Variants in TRAF3IP2 observed in about 807,000 individuals in gnomAD.
TRAF3IP2 encodes E3 ubiquitin ligase TRAF3IP2.
A neutral mutation model predicts 57.9 loss-of-function variants in TRAF3IP2; 35 were observed. That is an observed-to-expected ratio of 0.60 (90% CI 0.46 to 0.80). The LOEUF (loss-of-function observed/expected upper bound fraction) is 0.80. TRAF3IP2 is among the 30% of genes least tolerant of loss of function. The pLI is 0.00. For missense variants in TRAF3IP2, 556 were observed against 706.4 expected (o/e 0.79, Z 2.41); for synonymous variants, 251 against 268.9 (o/e 0.93, Z 0.65).
chr6:111,568,007 T>C (rs1252406321), intron 5 of TRAF3IP2, among the ~76,000 whole-genome samples: 1 of 152,222 alleles, frequency 6.6e-6, no homozygotes, highest in East Asian at 1.9e-4. Context: ...CTAAGTTGGA[T>C]ATAAGCCAGC....
chr6:111,605,241 C>A (rs898940394), intron 1 of TRAF3IP2, among the ~76,000 whole-genome samples: 1 of 152,218 alleles, frequency 6.6e-6, no homozygotes, highest in Non-Finnish European at 1.5e-5. Flanking sequence ...AGGGCGGCTG[C>A]GGAGAGGGGC....
At chr6:111,573,630 A>T (rs571873923) in intron 4 of TRAF3IP2, 3 of 152,550 alleles carry the variant, frequency 2.0e-5, no homozygotes, top group Non-Finnish European at 4.4e-5. Flanking sequence ...GGGCAGTCCA[A>T]CATCACAGAC....
intron 5 of TRAF3IP2, among the ~76,000 whole-genome samples, chr6:111,571,486 A>G (rs112359969): frequency 0.011 from 1,718 of 152,272 alleles, 21 homozygotes; most frequent in African/African-American, 0.039. Context: ...TGCTAGGATT[A>G]CAGGCATGAG....
At chr6:111,559,662 C>G (rs1222009005) in intron 8 of TRAF3IP2, 111 bp from the exon 9 acceptor site, 5 of 1,254,326 alleles carry the variant, frequency 4.0e-6, no homozygotes, top group Non-Finnish European at 5.5e-6. Flanking sequence ...GCGTTTCCTA[C>G]CAAACTATCC....
intron 8 of TRAF3IP2, among the ~76,000 whole-genome samples, chr6:111,562,417 T>C (rs1167619637): frequency 6.6e-6 from 1 of 152,196 alleles, no homozygotes; most frequent in African/African-American, 2.4e-5. Context: ...CATCTTTGTG[T>C]GCAACGGTTC....
chr6:111,582,654 A>G (rs886603207), intron 2 of TRAF3IP2, among the ~76,000 whole-genome samples: 2 of 152,136 alleles, frequency 1.3e-5, no homozygotes, highest in Non-Finnish European at 2.9e-5. Context: ...AAAAATAGCA[A>G]AAAATGCCAC....
At chr6:111,599,066 AT>A (rs1017585005) in intron 1 of TRAF3IP2, among the ~76,000 whole-genome samples, 12,914 of 129,028 alleles carry the variant, frequency 0.1, 496 homozygotes, top group Middle Eastern at 0.19. Context: ...CACCTGGTTA[AT>A]TTTTTTTTTT....
At position 111,557,134 on chromosome 6, in the gene TRAF3IP2, G is replaced by GA. The variant is rs1332194229; in HGVS notation, c.*2270dup. The GA allele has an allele frequency of 3.4e-3, 482 of 143,508 alleles. 1 individual carries two copies. Among genetic ancestry groups the GA allele is most frequent in the Middle Eastern group, 6.9e-3 (2 of 290 alleles). 8.9% of individuals were successfully genotyped at this position (143,508 alleles called of 1,614,324 possible). A position where few individuals can be genotyped will look rare whatever the true frequency, so the allele number is the denominator to read the frequency against. Reference sequence around the variant, plus strand: ...GAGTGAGACCCTGTCTCAAAAAAAAGAAAAAAAAAACAAAACGGTGGACTG... The same window carrying GA: ...GAGTGAGACCCTGTCTCAAAAAAAAGAAAAAAAAAAACAAAACGGTGGACTG... On this transcript the variant is annotated 3_prime_UTR_variant, in exon 9 of 9. Transcript: ENST00000368761.
At chr6:111,594,804 A>G (rs1490446757) in intron 1 of TRAF3IP2, among the ~76,000 whole-genome samples, 1 of 151,974 alleles carries the variant, frequency 6.6e-6, no homozygotes, top group Non-Finnish European at 1.5e-5. Flanking sequence ...AGTCCCAGCT[A>G]CTTGGGAGGC....
chr6:111,568,653 C>T (rs900616134), intron 5 of TRAF3IP2, among the ~76,000 whole-genome samples: 1 of 152,190 alleles, frequency 6.6e-6, no homozygotes, highest in African/African-American at 2.4e-5. Flanking sequence ...CACGATGGCT[C>T]ATGCCTATAA....
chr6:111,603,878 T>C (rs1392322542), intron 1 of TRAF3IP2, among the ~76,000 whole-genome samples: 1 of 152,238 alleles, frequency 6.6e-6, no homozygotes, highest in Non-Finnish European at 1.5e-5. Flanking sequence ...CATCTTTTGA[T>C]GCTCCATCAT....
In TRAF3IP2 at chr6:111,558,085, T is replaced by C. The variant is rs1795307021; in HGVS notation, c.*1320A>G. ...ATGTAAATTTGTCCTCTGAGAGACA[T>C]AATTATGAAAATGAAAACTCAGTCA... On this transcript the variant is annotated 3_prime_UTR_variant, in exon 9 of 9. Transcript: ENST00000368761. The C allele has an allele frequency of 6.6e-6, 1 of 152,140 alleles. No individual in the cohort carries two copies. The highest frequency in any genetic ancestry group is 2.1e-4 in the South Asian group (1 of 4,836). 9.4% of individuals were successfully genotyped at this position (152,140 alleles called of 1,614,324 possible).
intron 7 of TRAF3IP2, among the ~76,000 whole-genome samples, chr6:111,563,555 C>A (rs1795524610): frequency 6.6e-6 from 1 of 152,176 alleles, no homozygotes; most frequent in African/African-American, 2.4e-5. Flanking sequence ...AAAGTATTAA[C>A]AATTGCTCTA....
Position 111,586,090 on chromosome 6 carries a change from G to A in TRAF3IP2, c.829+5168C>T, listed in dbSNP as rs1037212934. ...GATATAATGCAATCAGTTTAGCCAGGAAACAAAATGGCCAATATAAACTGT... is the reference window on the plus strand; with the variant it reads ...GATATAATGCAATCAGTTTAGCCAGAAAACAAAATGGCCAATATAAACTGT... On this transcript the variant is annotated intron_variant, in intron 2 of 8. Coordinates refer to ENST00000368761, the MANE Select transcript of TRAF3IP2 (RefSeq NM_147686.4). 7.2e-5 allele frequency among the ~76,000 whole-genome samples: 11 copies of A among 152,146 alleles called. 1 individual carries two copies. Among genetic ancestry groups the A allele is most frequent in the Admixed American group, 5.2e-4 (8 of 15,274 alleles).
chr6:111,591,264 C>A lies in TRAF3IP2; in HGVS notation c.823G>T (p.Val275Leu), dbSNP rs770934341. ...YHCPGSPDHQ[V>L]PYGHDYPRAA... ...GGAGGTAAAGATCACTTACATGGCACCTGGTGATCGGGACTTCCAGGACAA... is the reference window on the plus strand; with the variant it reads ...GGAGGTAAAGATCACTTACATGGCAACTGGTGATCGGGACTTCCAGGACAA... Residue 275 changes from valine to leucine, a missense_variant, in exon 2 of 9, where the codon GTG becomes TTG. Transcript: ENST00000368761. The surrounding 1 kb of genome is among the most constrained non-coding windows in gnomAD (Gnocchi z 4.9). 1.3e-6 allele frequency: 2 copies of A among 1,485,654 alleles called. No homozygotes were observed. Among genetic ancestry groups the A allele is most frequent in the South Asian group, 1.5e-5 (1 of 65,912 alleles). 92.0% of individuals were successfully genotyped at this position (1,485,654 alleles called of 1,614,324 possible).
At chr6:111,604,220 T>C (rs909168053) in intron 1 of TRAF3IP2, among the ~76,000 whole-genome samples, 11 of 152,212 alleles carry the variant, frequency 7.2e-5, no homozygotes, top group Non-Finnish European at 1.3e-4. Flanking sequence ...AAAGAAACAA[T>C]GACAATTTTT....
At chr6:111,563,136 G>C (rs1432174618) in intron 7 of TRAF3IP2, 97 bp from the exon 8 acceptor site, 1 of 860,824 alleles carries the variant, frequency 1.2e-6, no homozygotes, top group African/African-American at 1.7e-5. Flanking sequence ...TTTTTATTCT[G>C]ATTTCCATAC....
intron 5 of TRAF3IP2, among the ~76,000 whole-genome samples, chr6:111,570,461 C>T (rs908691975): frequency 1.3e-5 from 2 of 152,172 alleles, no homozygotes; most frequent in Non-Finnish European, 2.9e-5. Flanking sequence ...CCCCTTATTA[C>T]ACTCTCCTTA....
chr6:111,593,855 G>C (rs1312168226), intron 1 of TRAF3IP2, among the ~76,000 whole-genome samples: 1 of 152,188 alleles, frequency 6.6e-6, no homozygotes, highest in Non-Finnish European at 1.5e-5. Context: ...GTTTGGCCGG[G>C]CGCAGTGGCT....
Sources: gnomAD v4.1 joint callset for allele counts (sites outside exome capture counted in the v4.1 genomes callset) on GRCh38, gnomAD v4.1.1 for gene constraint, Gnocchi (gnomAD v3.1) non-coding constraint, MANE v1.5 for transcripts, NCBI Gene and HGNC (gene_info 2026-07-23, HGNC 2026-07-21) for gene names.